PRKG1: variants seen among roughly 807,000 people sequenced by gnomAD.
The protein encoded by PRKG1 is protein kinase cGMP-dependent 1.
Under a neutral mutation model 88.1 loss-of-function variants are expected in PRKG1, and 35 were observed. The observed-to-expected ratio is 0.40, with a 90% CI of 0.30 to 0.53. PRKG1 has a LOEUF of 0.53. Among genes scored for constraint, PRKG1 ranks in the 20% least tolerant of loss-of-function variants. The pLI is 0.59. For missense variants in PRKG1, 540 were observed against 839.8 expected (o/e 0.64, Z 4.41); for synonymous variants, 303 against 292.5 (o/e 1.04, Z -0.37).
chr10:51,151,211 C>A (rs1159595031), intron 1 of PRKG1, among the ~76,000 whole-genome samples: 2 of 151,170 alleles, frequency 1.3e-5, no homozygotes, highest in Non-Finnish European at 2.9e-5. Flanking sequence ...TTCTGAATGC[C>A]AAATAAGCCT....
intron 7 of PRKG1, among the ~76,000 whole-genome samples, chr10:52,110,209 GTGGTGGCGGGTGCC>G (rs1847528190): frequency 6.6e-6 from 1 of 151,830 alleles, no homozygotes; most frequent in Non-Finnish European, 1.5e-5. Context: ...TTAGCCAGGC[GTGGTGGCGGGTGCC>G]TGTAGTCCCA....
chr10:51,155,871 T>A (rs896867071), intron 2 of PRKG1, among the ~76,000 whole-genome samples: 2 of 151,942 alleles, frequency 1.3e-5, no homozygotes, highest in Admixed American at 6.6e-5. Flanking sequence ...TTCGTTTAGG[T>A]GTTACTAAAA....
intron 2 of PRKG1, among the ~76,000 whole-genome samples, chr10:51,227,589 A>G (rs1365069260): frequency 3.3e-5 from 5 of 152,200 alleles, no homozygotes; most frequent in Non-Finnish European, 2.9e-5. Context: ...ATTGAGGCCT[A>G]TTTATCTTTG....
intron 9 of PRKG1, among the ~76,000 whole-genome samples, chr10:52,205,319 C>G (rs1839791246): frequency 6.6e-6 from 1 of 152,156 alleles, no homozygotes; most frequent in Admixed American, 6.5e-5. Context: ...CTAATAAAAA[C>G]TTGCTGGTTT....
chr10:52,155,732 G>GACACACACACACACACACACAC (rs146109771), intron 8 of PRKG1, among the ~76,000 whole-genome samples: 1 of 147,788 alleles, frequency 6.8e-6, no homozygotes, highest in African/African-American at 2.5e-5. Flanking sequence ...ATTGCCATTG[G>GACACACACACACACACACACAC]ACACACACAC....
At chr10:51,058,151 C>G (rs983134602) in intron 1 of PRKG1, among the ~76,000 whole-genome samples, 1 of 152,044 alleles carries the variant, frequency 6.6e-6, no homozygotes. Flanking sequence ...CCTTCTTTTA[C>G]GAAATGCCTG....
chr10:51,473,755 A>ATTT (rs34322474), intron 3 of PRKG1, among the ~76,000 whole-genome samples: 24,972 of 148,004 alleles, frequency 0.17, 2,333 homozygotes, highest in Non-Finnish European at 0.22. Flanking sequence ...AGAAACACTG[A>ATTT]TTTTTTTTTT....
chr10:51,209,685 CA>C lies in PRKG1; in HGVS notation c.478+56358del, dbSNP rs570696129. ...TTTTACTAGGAAGAGATAATTATCA[CA>C]AAGAGATGGTTGACATTAATAAGGC... is the stretch of plus-strand genomic sequence containing the variant. On this transcript the variant is annotated intron_variant, in intron 2 of 17. Coordinates refer to ENST00000373980, the MANE Select transcript of PRKG1 (RefSeq NM_006258.4). 1.3e-4 allele frequency among the ~76,000 whole-genome samples: 20 copies of C among 152,182 alleles called. No homozygotes were observed. In the East Asian group the frequency reaches 2.3e-3, roughly 18 times the overall value.
intron 5 of PRKG1, among the ~76,000 whole-genome samples, chr10:51,924,069 T>A (rs1044886866): frequency 1.3e-5 from 2 of 152,060 alleles, no homozygotes; most frequent in Non-Finnish European, 2.9e-5. Context: ...ATGTAAGCAA[T>A]CTTCCTCAGC....
At chr10:51,694,893 AG>A (rs1441866791) in intron 3 of PRKG1, among the ~76,000 whole-genome samples, 1 of 152,200 alleles carries the variant, frequency 6.6e-6, no homozygotes, top group Non-Finnish European at 1.5e-5. Flanking sequence ...AGAAGTGAGG[AG>A]AATCTATTTC....
intron 1 of PRKG1, among the ~76,000 whole-genome samples, chr10:51,040,405 G>A (rs1265784032): frequency 1.6e-5 from 2 of 126,464 alleles, no homozygotes; most frequent in Non-Finnish European, 3.1e-5. Flanking sequence ...TACAGTCTCC[G>A]CCTTCCGGGC....
intron 2 of PRKG1, among the ~76,000 whole-genome samples, chr10:51,391,494 T>C (rs1554803250): frequency 6.6e-6 from 1 of 152,232 alleles, no homozygotes; most frequent in Non-Finnish European, 1.5e-5. Context: ...GGTTCTATTC[T>C]TTTAGGAGAG....
chr10:52,198,621 G>A (rs1471408746), intron 9 of PRKG1, among the ~76,000 whole-genome samples: 2 of 152,014 alleles, frequency 1.3e-5, no homozygotes, highest in East Asian at 1.9e-4. Context: ...TCTCTCACAC[G>A]TCTGGAGCCC....
intron 5 of PRKG1, among the ~76,000 whole-genome samples, chr10:51,957,139 CTTT>C (rs1843327359): frequency 2.7e-5 from 2 of 74,336 alleles, no homozygotes; most frequent in Admixed American, 1.7e-4. Flanking sequence ...CTTTCTTTCT[CTTT>C]CTTCTTTCCT....
chr10:52,225,704 T>G (rs1046719777), intron 9 of PRKG1, among the ~76,000 whole-genome samples: 3 of 152,170 alleles, frequency 2.0e-5, no homozygotes, highest in African/African-American at 7.2e-5. Flanking sequence ...CTCCTACATG[T>G]GGCTAGCCAA....
chr10:51,847,279 CA>C (rs1840423670), intron 4 of PRKG1, among the ~76,000 whole-genome samples: 1 of 152,140 alleles, frequency 6.6e-6, no homozygotes, highest in Admixed American at 6.6e-5. Context: ...ACTTGTCACT[CA>C]AAACCACAAA....
At chr10:51,341,423 G>A (rs1414636799) in intron 2 of PRKG1, among the ~76,000 whole-genome samples, 2 of 152,098 alleles carry the variant, frequency 1.3e-5, no homozygotes, top group Non-Finnish European at 2.9e-5. Context: ...TGTTGGGACT[G>A]TTGTTTAAAT....
chr10:51,452,921 T>C (rs931888042), intron 2 of PRKG1, among the ~76,000 whole-genome samples: 6 of 152,064 alleles, frequency 3.9e-5, no homozygotes, highest in African/African-American at 1.4e-4. Flanking sequence ...TAACTATTTC[T>C]ACAATTTTTT....
At chr10:52,289,134 T>A in intron 16 of PRKG1, 141 bp downstream of exon 16, 3 of 742,120 alleles carry the variant, frequency 4.0e-6, no homozygotes, top group Non-Finnish European at 6.6e-6. Context: ...GGCTTTTAAA[T>A]GCCTTTCTAG....
Sources: allele counts gnomAD v4.1 joint callset (sites outside exome capture counted in the v4.1 genomes callset), GRCh38; gene constraint gnomAD v4.1.1; transcripts MANE v1.5; gene names NCBI Gene and HGNC (gene_info 2026-07-23, HGNC 2026-07-21).